The following CSMD1 variants were observed in gnomAD, a reference collection of about 807,000 sequenced individuals.
The protein encoded by CSMD1 is CUB and sushi domain-containing protein 1.
In CSMD1, 213 loss-of-function variants were observed where a neutral mutation model predicts 417.5. The observed-to-expected ratio is 0.51, with a 90% CI of 0.46 to 0.57. The LOEUF (loss-of-function observed/expected upper bound fraction) is 0.57. CSMD1 is among the 20% of genes least tolerant of loss of function. The probability of loss-of-function intolerance (pLI) is 0.00; values close to 1 mark genes in which losing one functional copy is unlikely to be tolerated. For missense variants in CSMD1, 6,923 were observed against 4,529.7 expected, an observed-to-expected ratio of 1.53 and a Z score of -15.17; for synonymous variants, 2,862 against 1,736.8, an observed-to-expected ratio of 1.65 and a Z score of -16.11.
chr8:3,892,302 T>G (rs760886462), intron 5 of CSMD1, among the ~76,000 whole-genome samples: 5 of 152,142 alleles, frequency 3.3e-5, no homozygotes, highest in Non-Finnish European at 5.9e-5. Flanking sequence ...ACTCAACGCT[T>G]AATTGCTGAA....
At chr8:3,444,540 T>C (rs1815182112) in intron 12 of CSMD1, among the ~76,000 whole-genome samples, 1 of 152,130 alleles carries the variant, frequency 6.6e-6, no homozygotes, top group South Asian at 2.1e-4. Context: ...CTGGAGGCAT[T>C]GGTATTTGCA....
chr8:4,529,830 G>A (rs944531339), intron 2 of CSMD1, among the ~76,000 whole-genome samples: 4 of 149,914 alleles, frequency 2.7e-5, no homozygotes, highest in South Asian at 4.2e-4. Context: ...ATCAAAATTC[G>A]TGCATAGGTT....
At chr8:3,993,933 A>G (rs1006527984) in intron 5 of CSMD1, among the ~76,000 whole-genome samples, 2 of 152,196 alleles carry the variant, frequency 1.3e-5, no homozygotes, top group African/African-American at 4.8e-5. Context: ...GAACAAATGC[A>G]CCAGGGATGA....
intron 12 of CSMD1, among the ~76,000 whole-genome samples, chr8:3,436,517 G>A (rs1814576894): frequency 6.6e-6 from 1 of 152,254 alleles, no homozygotes; most frequent in Non-Finnish European, 1.5e-5. Flanking sequence ...TAAATTAAGT[G>A]TAATGTTTAG....
chr8:3,862,895 C>G (rs564668402), intron 5 of CSMD1, among the ~76,000 whole-genome samples: 4 of 152,250 alleles, frequency 2.6e-5, no homozygotes, highest in South Asian at 2.1e-4. Context: ...TTAGTTCATT[C>G]CAGGACCTAT....
chr8:4,319,188 G>A (rs753858451), intron 3 of CSMD1, among the ~76,000 whole-genome samples: 8 of 152,164 alleles, frequency 5.3e-5, no homozygotes, highest in South Asian at 2.1e-4. Context: ...ATTTCCCCCA[G>A]TAATTCCAAT....
intron 4 of CSMD1, among the ~76,000 whole-genome samples, chr8:4,028,222 T>G (rs578198106): frequency 6.6e-6 from 1 of 152,282 alleles, no homozygotes; most frequent in East Asian, 1.9e-4. Flanking sequence ...GAGGAATAAT[T>G]CAAATACGAT....
At chr8:3,901,718 A>G (rs1807766569) in intron 5 of CSMD1, among the ~76,000 whole-genome samples, 1 of 152,246 alleles carries the variant, frequency 6.6e-6, no homozygotes, top group Non-Finnish European at 1.5e-5. Flanking sequence ...AAAGAATGGA[A>G]CAACTGTCTT....
At chr8:3,437,475 A>G (rs1328263146) in intron 12 of CSMD1, among the ~76,000 whole-genome samples, 6 of 152,168 alleles carry the variant, frequency 3.9e-5, no homozygotes, top group Admixed American at 3.9e-4. Flanking sequence ...TTCTAATGGG[A>G]CAGCGGGAAA....
chr8:4,892,795 C>T (rs1804211807), intron 1 of CSMD1, among the ~76,000 whole-genome samples: 1 of 151,912 alleles, frequency 6.6e-6, no homozygotes, highest in African/African-American at 2.4e-5. Flanking sequence ...ATAAATCTAC[C>T]TTGTAGATGG....
chr8:4,056,790 G>T (rs1037633940), intron 3 of CSMD1, among the ~76,000 whole-genome samples: 1 of 151,802 alleles, frequency 6.6e-6, no homozygotes, highest in Non-Finnish European at 1.5e-5. Flanking sequence ...GCGGTGTTTC[G>T]TTTTTTGTCC....
chr8:4,466,423 G>A (rs1202600020), intron 2 of CSMD1, among the ~76,000 whole-genome samples: 1 of 148,230 alleles, frequency 6.7e-6, no homozygotes, highest in African/African-American at 2.5e-5. Context: ...CACTCACTTT[G>A]ATATTGTCTT....
intron 10 of CSMD1, among the ~76,000 whole-genome samples, chr8:3,534,806 A>C (rs545215361): frequency 1.3e-5 from 2 of 152,290 alleles, no homozygotes; most frequent in South Asian, 4.1e-4. Flanking sequence ...TTTCTCACAC[A>C]ACATTTTCTT....
intron 23 of CSMD1, among the ~76,000 whole-genome samples, chr8:3,335,297 G>T (rs570097657): frequency 2.0e-5 from 3 of 152,196 alleles, no homozygotes; most frequent in Non-Finnish European, 4.4e-5. Flanking sequence ...GCCATGAAGA[G>T]CACAGTGACA....
intron 3 of CSMD1, among the ~76,000 whole-genome samples, chr8:4,060,419 A>G (rs1333367950): frequency 1.3e-5 from 2 of 152,208 alleles, no homozygotes; most frequent in Non-Finnish European, 2.9e-5. Flanking sequence ...CTCCTATTCA[A>G]CATAGTGTTG....
chr8:3,580,159 G>C (rs985042666), intron 9 of CSMD1, among the ~76,000 whole-genome samples: 2 of 152,282 alleles, frequency 1.3e-5, no homozygotes, highest in East Asian at 1.9e-4. Flanking sequence ...TGCTCATCAT[G>C]AGTTGAACAC....
intron 12 of CSMD1, among the ~76,000 whole-genome samples, chr8:3,414,118 G>A (rs1490008216): frequency 2.8e-5 from 4 of 141,186 alleles, no homozygotes; most frequent in Non-Finnish European, 4.5e-5. Flanking sequence ...CAGCCTGTGT[G>A]ACAGAGCGAG....
intron 5 of CSMD1, among the ~76,000 whole-genome samples, chr8:3,780,964 T>G (rs887562746): frequency 5.9e-5 from 9 of 152,178 alleles, no homozygotes; most frequent in African/African-American, 2.2e-4. Context: ...AAGATATCTG[T>G]CTTCATGATC....
intron 1 of CSMD1, among the ~76,000 whole-genome samples, chr8:4,806,326 G>T (rs570246042): frequency 1.7e-4 from 26 of 152,100 alleles, no homozygotes; most frequent in Non-Finnish European, 2.9e-4. Context: ...ACCCTAGATG[G>T]GAGGCTGGCT....
Sources: allele counts gnomAD v4.1 joint callset (sites outside exome capture counted in the v4.1 genomes callset), GRCh38; gene constraint gnomAD v4.1.1; transcripts MANE v1.5; gene names NCBI Gene and HGNC (gene_info 2026-07-23, HGNC 2026-07-21).